The following PDE1C variants were observed in gnomAD, a reference collection of about 807,000 sequenced individuals.
PDE1C encodes the protein phosphodiesterase 1C, also known as dual specificity calcium/calmodulin-dependent 3',5'-cyclic nucleotide phosphodiesterase 1C.
Under a neutral mutation model 93.1 loss-of-function variants are expected in PDE1C, and 62 were observed. That is an observed-to-expected ratio of 0.67 (90% CI 0.54 to 0.82). The LOEUF (loss-of-function observed/expected upper bound fraction) is 0.82. PDE1C is among the 40% of genes least tolerant of loss of function. The pLI is 0.00. For missense variants in PDE1C, 742 were observed against 884.6 expected, an observed-to-expected ratio of 0.84 and a Z score of 2.04; for synonymous variants, 325 against 310.1, an observed-to-expected ratio of 1.05 and a Z score of -0.50.
intron 16 of PDE1C, among the ~76,000 whole-genome samples, chr7:31,776,110 TCC>T (rs775596136): frequency 6.6e-6 from 1 of 152,180 alleles, no homozygotes; most frequent in Non-Finnish European, 1.5e-5. Context: ...CTAATGTGCA[TCC>T]AGGATGGAAC....
At chr7:32,132,215 G>A (rs1223848125) in intron 3 of PDE1C, among the ~76,000 whole-genome samples, 1 of 152,138 alleles carries the variant, frequency 6.6e-6, no homozygotes, top group Non-Finnish European at 1.5e-5. Flanking sequence ...CAGAGCTGGA[G>A]CCCAGTGAGC....
At chr7:31,815,776 G>T in intron 15 of PDE1C, 148 bp downstream of exon 15, 1 of 661,032 alleles carries the variant, frequency 1.5e-6, no homozygotes, top group Non-Finnish European at 2.7e-6. Context: ...GAATCCTGCA[G>T]CCCAATGAGG....
chr7:32,402,890 C>A (rs6949520), intron 1 of PDE1C, among the ~76,000 whole-genome samples: 5,828 of 152,182 alleles, frequency 0.038, 268 homozygotes, highest in African/African-American at 0.12. Flanking sequence ...TTATGTTGGG[C>A]CCTGTCTGAC....
intron 3 of PDE1C, among the ~76,000 whole-genome samples, chr7:32,160,163 A>G (rs941455923): frequency 6.6e-6 from 1 of 152,074 alleles, no homozygotes; most frequent in African/African-American, 2.4e-5. Context: ...CAAACCAGAC[A>G]CCATCTTGGT....
intron 1 of PDE1C, among the ~76,000 whole-genome samples, chr7:32,334,018 T>C (rs1383054277): frequency 6.6e-6 from 1 of 152,148 alleles, no homozygotes; most frequent in East Asian, 1.9e-4. Context: ...TTTGAATTCA[T>C]GAAACAGACA....
chr7:31,859,773 T>C (rs1794457962), intron 7 of PDE1C, among the ~76,000 whole-genome samples: 1 of 152,200 alleles, frequency 6.6e-6, no homozygotes, highest in African/African-American at 2.4e-5. Flanking sequence ...GTAACCACTA[T>C]CTTCAATTTA....
intron 2 of PDE1C, among the ~76,000 whole-genome samples, chr7:31,955,339 A>G (rs2129020222): frequency 6.6e-6 from 1 of 152,216 alleles, no homozygotes; most frequent in South Asian, 2.1e-4. Context: ...GCCCATATAT[A>G]CCCAAAGTGT....
the PDE1C span, among the ~76,000 whole-genome samples, chr7:31,639,738 G>A: frequency 6.6e-6 from 1 of 151,594 alleles, no homozygotes; most frequent in African/African-American, 2.4e-5. Flanking sequence ...GGGTTTCACT[G>A]TGTTAGCCAG....
At chr7:32,015,629 A>T (rs1787795248) in intron 2 of PDE1C, among the ~76,000 whole-genome samples, 1 of 152,294 alleles carries the variant, frequency 6.6e-6, no homozygotes, top group South Asian at 2.1e-4. Context: ...AAAGAAAAAG[A>T]TGTATATTTT....
At chr7:32,299,358 A>T (rs1812824209), upstream of PDE1C, 1 of 985,808 alleles carries the variant, frequency 1.0e-6, no homozygotes, top group African/African-American at 1.7e-5. Context: ...ACTTCCTTCT[A>T]GCCACTGCCC....
intron 1 of PDE1C, among the ~76,000 whole-genome samples, chr7:32,319,456 G>GAGA (rs1554305501): frequency 6.6e-6 from 1 of 151,608 alleles, no homozygotes; most frequent in Admixed American, 6.6e-5. Context: ...AGCCATCACC[G>GAGA]GAGAACCAGC....
At chr7:31,897,678 C>T (rs1040868963) in intron 2 of PDE1C, among the ~76,000 whole-genome samples, 15 of 152,286 alleles carry the variant, frequency 9.8e-5, no homozygotes, top group East Asian at 7.7e-4. Context: ...GACCAGTTAA[C>T]GTCATGTCAA....
At chr7:32,208,602 A>C (rs62456324) in intron 2 of PDE1C, among the ~76,000 whole-genome samples, 6,789 of 152,252 alleles carry the variant, frequency 0.045, 190 homozygotes, top group Non-Finnish European at 0.07. Flanking sequence ...AGTGAAAGCC[A>C]GTGAGGCAGT....
At chr7:31,821,724 T>A (rs1426318224) in intron 14 of PDE1C, among the ~76,000 whole-genome samples, 1 of 152,106 alleles carries the variant, frequency 6.6e-6, no homozygotes, top group Non-Finnish European at 1.5e-5. Flanking sequence ...TTGCCTCACC[T>A]GAAATGAGCA....
At chr7:31,871,750 C>T (rs1254528232) in intron 6 of PDE1C, among the ~76,000 whole-genome samples, 2 of 149,922 alleles carry the variant, frequency 1.3e-5, no homozygotes, top group Non-Finnish European at 3.0e-5. Flanking sequence ...ACTTCTACAA[C>T]GTTGGTGGGA....
At chr7:31,734,913 C>T in the PDE1C span, among the ~76,000 whole-genome samples, 125 of 152,164 alleles carry the variant, frequency 8.2e-4, no homozygotes, top group South Asian at 3.7e-3. Flanking sequence ...CTAGAGTTGC[C>T]GAGACTATTT....
rs80188441 is a variant in PDE1C at position 32,167,202 on chromosome 7, A to C, written c.308+2583T>G. ...TAGAGCAGACTGTCCCTTTGCTCTG[A>C]AAAGAACTACTTAAATGAAAATACT... On this transcript the variant is annotated intron_variant, in intron 3 of 18. Transcript: ENST00000396193. Among the ~76,000 whole-genome samples the C allele has an allele frequency of 9.6e-3, 1,455 of 152,346 alleles. 27 individuals carry two copies. The highest frequency in any genetic ancestry group is 0.065 in the East Asian group (340 of 5,192).
At chr7:32,027,429 G>A (rs368539790) in intron 2 of PDE1C, among the ~76,000 whole-genome samples, 7 of 151,720 alleles carry the variant, frequency 4.6e-5, no homozygotes, top group South Asian at 2.1e-4. Context: ...GTATTGTGTG[G>A]GTTTCTGTTT....
At chr7:32,406,973 G>A (rs1411934380) in intron 1 of PDE1C, among the ~76,000 whole-genome samples, 1 of 152,082 alleles carries the variant, frequency 6.6e-6, no homozygotes, top group African/African-American at 2.4e-5. Flanking sequence ...ACAAGTGACT[G>A]GAAGTTAAAA....
Sources: gnomAD v4.1 joint callset for allele counts (sites outside exome capture counted in the v4.1 genomes callset) on GRCh38, gnomAD v4.1.1 for gene constraint, MANE v1.5 for transcripts, NCBI Gene and HGNC (gene_info 2026-07-23, HGNC 2026-07-21) for gene names.